The following ITPR2 variants were observed in gnomAD, a reference collection of about 807,000 sequenced individuals.
The protein encoded by ITPR2 is inositol 1,4,5-trisphosphate-gated calcium channel ITPR2.
In ITPR2, 207 loss-of-function variants were observed where a neutral mutation model predicts 317.1. That is an observed-to-expected ratio of 0.65 (90% CI 0.58 to 0.73). The LOEUF is 0.73. Ranked by LOEUF, ITPR2 falls within the 30% of genes least tolerant of loss-of-function variation. The probability of loss-of-function intolerance (pLI) is 0.00; values close to 1 mark genes in which losing one functional copy is unlikely to be tolerated. For missense variants in ITPR2, 2,613 were observed against 3,284.0 expected, an observed-to-expected ratio of 0.80 and a Z score of 4.99; for synonymous variants, 1,156 against 1,149.1, an observed-to-expected ratio of 1.01 and a Z score of -0.12.
chr12:26,503,186 C>A (rs1330860557), intron 37 of ITPR2, among the ~76,000 whole-genome samples: 5 of 130,640 alleles, frequency 3.8e-5, no homozygotes, highest in Non-Finnish European at 6.4e-5. Flanking sequence ...CACTGCCCCC[C>A]ACCAACACAC....
intron 45 of ITPR2, among the ~76,000 whole-genome samples, chr12:26,473,492 C>T (rs1213846779): frequency 6.6e-6 from 1 of 152,306 alleles, no homozygotes; most frequent in Middle Eastern, 3.4e-3. Flanking sequence ...CAAAGCAAGA[C>T]TATCTTGCAG....
At position 26,398,898 on chromosome 12, in the gene ITPR2, T is replaced by C. The variant is rs763790368; in HGVS notation, c.7674A>G (p.Leu2558=). ...RSEKQKKEEI[L]KTTCFICGLE... is the part of the protein sequence containing the mutation. ...TACCACAGATGAAACAAGTTGTCTTTAGAATTTCTTCTTTTTTCTGTTTTT... is the reference window on the plus strand; with the variant it reads ...TACCACAGATGAAACAAGTTGTCTTCAGAATTTCTTCTTTTTTCTGTTTTT... The change falls in exon 54 of 57, where the codon CTA becomes CTG. Residue 2558 remains leucine, a synonymous_variant. Transcript: ENST00000381340. 3.1e-6 allele frequency: 5 copies of C among 1,610,546 alleles called. No homozygotes were observed. Among genetic ancestry groups the C allele is most frequent in the South Asian group, 2.2e-5 (2 of 90,066 alleles).
intron 34 of ITPR2, among the ~76,000 whole-genome samples, chr12:26,568,012 A>ATATAT (rs1945052391): frequency 2.5e-4 from 2 of 8,078 alleles, no homozygotes; most frequent in African/African-American, 5.4e-4. Context: ...TATATTATAT[A>ATATAT]TATATATATA....
chr12:26,415,305 G>A lies in ITPR2; in HGVS notation c.7304C>T (p.Thr2435Ile), dbSNP rs748739840. The stretch of plus-strand genomic sequence containing the variant: ...TCATTTAGTGGTAATAGCAATACCT[G>A]TAACAGGAGTTCGGTTTTTCAGCCT... ...VDRLKNRTPV[T>I]GSHQVPTMTL... The change falls in exon 51 of 57, where the codon ACA (threonine) becomes ATA (isoleucine). Residue 2435 changes from threonine to isoleucine, a missense_variant and splice_region_variant. This residue lies in a region of ITPR2 where 113 missense variants were observed against 129.2 expected (regional missense o/e 0.87). Coordinates refer to ENST00000381340, the MANE Select transcript of ITPR2 (RefSeq NM_002223.4). 22 of 1,598,316 alleles carry A rather than the reference G, an allele frequency of 1.4e-5. No homozygotes were observed. The East Asian group carries it at 4.5e-4, about 33-fold the overall frequency.
chr12:26,665,510 G>A (rs74523908), intron 14 of ITPR2, among the ~76,000 whole-genome samples: 28,367 of 152,076 alleles, frequency 0.19, 3,576 homozygotes, highest in East Asian at 0.55. Context: ...CTAAGATTAC[G>A]TTCTACAAAG....
At chr12:26,785,169 G>A (rs1316890745) in intron 2 of ITPR2, among the ~76,000 whole-genome samples, 6,957 of 27,744 alleles carry the variant, frequency 0.25, 1,186 homozygotes, top group East Asian at 0.61. Context: ...CCGGGAGGGA[G>A]GTGGGGGGGG....
At chr12:26,826,104 AAAAAGTCCTATTGAGGC>A (rs1951005930) in intron 1 of ITPR2, among the ~76,000 whole-genome samples, 1 of 152,136 alleles carries the variant, frequency 6.6e-6, no homozygotes, top group African/African-American at 2.4e-5. Flanking sequence ...CCCACTGATC[AAAAAGTCCTATTGAGGC>A]TGGGTGTCAT....
intron 5 of ITPR2, chr12:26,721,207 T>A (rs1162969031): frequency 6.7e-6 from 3 of 449,514 alleles, no homozygotes; most frequent in Non-Finnish European, 1.2e-5. Context: ...AAAGTAGGGT[T>A]TTTTTTTTAA....
intron 45 of ITPR2, among the ~76,000 whole-genome samples, chr12:26,448,621 T>C (rs962897377): frequency 6.6e-6 from 1 of 152,098 alleles, no homozygotes; most frequent in Non-Finnish European, 1.5e-5. Context: ...GTAGATACAG[T>C]GCAAGCATAC....
At chr12:26,490,024 C>T (rs926425103) in intron 39 of ITPR2, among the ~76,000 whole-genome samples, 4 of 152,078 alleles carry the variant, frequency 2.6e-5, no homozygotes, top group African/African-American at 7.2e-5. Flanking sequence ...GTGAGACATC[C>T]GAGTAGAGGA....
At chr12:26,433,870 C>A (rs1027848651) in intron 48 of ITPR2, among the ~76,000 whole-genome samples, 1 of 152,132 alleles carries the variant, frequency 6.6e-6, no homozygotes, top group Non-Finnish European at 1.5e-5. Context: ...ACTATAGAGT[C>A]TGCATGAGGT....
chr12:26,487,726 A>G (rs1047846331), intron 39 of ITPR2, among the ~76,000 whole-genome samples: 1 of 152,176 alleles, frequency 6.6e-6, no homozygotes, highest in African/African-American at 2.4e-5. Context: ...CATCAATCCA[A>G]AGATCATCCT....
chr12:26,638,823 C>T (rs939363109), intron 21 of ITPR2, among the ~76,000 whole-genome samples: 1 of 152,056 alleles, frequency 6.6e-6, no homozygotes, highest in African/African-American at 2.4e-5. Context: ...AGGTTAAATC[C>T]AACATGGTAA....
At chr12:26,543,814 T>G (rs535096321) in intron 37 of ITPR2, among the ~76,000 whole-genome samples, 2 of 151,884 alleles carry the variant, frequency 1.3e-5, no homozygotes, top group Non-Finnish European at 2.9e-5. Context: ...TTTGAAGCAT[T>G]CCTTCTCTTC....
At chr12:26,440,591 A>G (rs1941464641) in intron 46 of ITPR2, among the ~76,000 whole-genome samples, 2 of 152,208 alleles carry the variant, frequency 1.3e-5, no homozygotes, top group Non-Finnish European at 2.9e-5. Context: ...ATTCAATTAC[A>G]TACTAGAATA....
At chr12:26,428,139 G>C in intron 48 of ITPR2, 51 bp from the exon 49 acceptor site, 2 of 1,409,486 alleles carry the variant, frequency 1.4e-6, no homozygotes, top group Non-Finnish European at 1.9e-6. Flanking sequence ...ACTAAAAAAT[G>C]CTAAAATATT....
At chr12:26,573,505 G>T (rs1945211155) in intron 34 of ITPR2, among the ~76,000 whole-genome samples, 1 of 152,078 alleles carries the variant, frequency 6.6e-6, no homozygotes, top group Admixed American at 6.6e-5. Context: ...CAAACAAGCT[G>T]CTTTCAAATA....
intron 55 of ITPR2, among the ~76,000 whole-genome samples, chr12:26,355,146 G>A (rs776025180): frequency 4.6e-5 from 7 of 152,192 alleles, no homozygotes; most frequent in African/African-American, 7.2e-5. Context: ...AATGACCACT[G>A]TAGATAACTT....
At chr12:26,504,123 T>C (rs1299816867) in intron 37 of ITPR2, among the ~76,000 whole-genome samples, 2 of 152,262 alleles carry the variant, frequency 1.3e-5, no homozygotes, top group African/African-American at 4.8e-5. Flanking sequence ...AGACAGCCTT[T>C]CCTTGAAGTA....
Sources: allele counts gnomAD v4.1 joint callset (sites outside exome capture counted in the v4.1 genomes callset), GRCh38; gene constraint gnomAD v4.1.1; regional missense constraint gnomAD v4.1.1; transcripts MANE v1.5; gene names NCBI Gene and HGNC (gene_info 2026-07-23, HGNC 2026-07-21).